Variants in CRACR2A observed in about 807,000 individuals in gnomAD.
CRACR2A encodes calcium release activated channel regulator 2A.
CRACR2A carries 79 observed loss-of-function variants against 90.5 expected under a neutral mutation model. The observed-to-expected ratio is 0.87, with a 90% CI of 0.73 to 1.05. The LOEUF is 1.05. CRACR2A is among the 50% of genes least tolerant of loss of function. The pLI, the probability that CRACR2A is intolerant of heterozygous loss-of-function variation, is 0.00. For synonymous variants in CRACR2A, 338 were observed against 356.7 expected, an observed-to-expected ratio of 0.95 and a Z score of 0.59; for missense variants, 823 against 897.2, an observed-to-expected ratio of 0.92 and a Z score of 1.06.
chr12:3,627,779 C>T, intron 15 of CRACR2A, 73 bp from the exon 16 acceptor site: 1 of 1,395,626 alleles, frequency 7.2e-7, no homozygotes, highest in Non-Finnish European at 9.9e-7. Flanking sequence ...GGAAACAATG[C>T]TTCCAACATC....
At chr12:3,622,906 GA>G (rs200573994) in intron 17 of CRACR2A, among the ~76,000 whole-genome samples, 2 of 151,308 alleles carry the variant, frequency 1.3e-5, no homozygotes, top group Non-Finnish European at 2.9e-5. Flanking sequence ...GGAACGTGGA[GA>G]AAAAAAAATC....
chr12:3,751,742 TATAGTATAGAACCGAGAGGTG>T, intron 1 of CRACR2A, among the ~76,000 whole-genome samples: 1 of 151,886 alleles, frequency 6.6e-6, no homozygotes, highest in Non-Finnish European at 1.5e-5. Context: ...CTACACACTT[TATAGTATAGAACCGAGAGGTG>T]ACAGGACCTC....
intron 4 of CRACR2A, among the ~76,000 whole-genome samples, chr12:3,686,150 A>G (rs1227767482): frequency 1.3e-5 from 2 of 152,258 alleles, no homozygotes; most frequent in African/African-American, 4.8e-5. Context: ...ATTGAGGATT[A>G]AAACCCAAGT....
intron 2 of CRACR2A, among the ~76,000 whole-genome samples, chr12:3,716,161 G>A (rs1946079403): frequency 6.6e-6 from 1 of 151,866 alleles, no homozygotes; most frequent in African/African-American, 2.4e-5. Context: ...TGGCTCTTCA[G>A]AAAGTCAACA....
intron 13 of CRACR2A, 60 bp from the exon 14 acceptor site, chr12:3,638,514 C>T: frequency 1.4e-6 from 2 of 1,462,926 alleles, no homozygotes; most frequent in Non-Finnish European, 1.8e-6. Flanking sequence ...TCAATACGGG[C>T]TGCATAACAG....
intron 12 of CRACR2A, among the ~76,000 whole-genome samples, chr12:3,643,431 C>T (rs768073741): frequency 6.6e-6 from 1 of 152,242 alleles, no homozygotes; most frequent in African/African-American, 2.4e-5. Flanking sequence ...TCACTTTCCT[C>T]GCGTGACAGC....
chr12:3,680,382 T>A, intron 4 of CRACR2A, 33 bp from the exon 5 acceptor site: 1 of 1,564,112 alleles, frequency 6.4e-7, no homozygotes, highest in Non-Finnish European at 8.8e-7. Context: ...TGGTTAACAC[T>A]GACACTCACT....
chr12:3,660,888 A>ACACACACACAC (rs1565479300), intron 7 of CRACR2A, among the ~76,000 whole-genome samples: 1 of 109,868 alleles, frequency 9.1e-6, no homozygotes, highest in Non-Finnish European at 1.8e-5. Flanking sequence ...ACACACACAC[A>ACACACACACAC]ATTTTGGCCC....
chr12:3,733,710 C>T (rs2137866486), intron 1 of CRACR2A, among the ~76,000 whole-genome samples: 1 of 152,122 alleles, frequency 6.6e-6, no homozygotes, highest in East Asian at 1.9e-4. Context: ...TCTTATTACA[C>T]ATGCGATAAA....
intron 17 of CRACR2A, among the ~76,000 whole-genome samples, chr12:3,621,857 G>A (rs184549017): frequency 6.6e-6 from 1 of 151,792 alleles, no homozygotes; most frequent in Non-Finnish European, 1.5e-5. Context: ...CACCGATAAA[G>A]GAGAAACAGA....
chr12:3,627,254 A>G (rs1944282356), intron 17 of CRACR2A, among the ~76,000 whole-genome samples, 182 bp downstream of exon 17: 2 of 152,150 alleles, frequency 1.3e-5, no homozygotes, highest in Non-Finnish European at 2.9e-5. Context: ...GGTCCCCAGG[A>G]ACTGGCCTGG....
intron 7 of CRACR2A, among the ~76,000 whole-genome samples, chr12:3,672,055 C>T (rs1369894861): frequency 6.6e-6 from 1 of 152,182 alleles, no homozygotes; most frequent in Admixed American, 6.5e-5. Flanking sequence ...GAGCCTCTCC[C>T]CAGAATGTTC....
chr12:3,656,035 C>A (rs140866723), intron 9 of CRACR2A, among the ~76,000 whole-genome samples: 1 of 152,152 alleles, frequency 6.6e-6, no homozygotes, highest in African/African-American at 2.4e-5. Flanking sequence ...TTGGCATTCT[C>A]GTGGCTCCTG....
intron 4 of CRACR2A, among the ~76,000 whole-genome samples, chr12:3,686,983 T>C (rs531691450): frequency 3.3e-5 from 5 of 152,212 alleles, no homozygotes; most frequent in Admixed American, 6.5e-5. Flanking sequence ...GGGACCCTGA[T>C]TAAAAACAGC....
intron 13 of CRACR2A, among the ~76,000 whole-genome samples, chr12:3,639,853 C>A (rs981383803): frequency 1.6e-4 from 25 of 152,220 alleles, no homozygotes; most frequent in African/African-American, 5.1e-4. Context: ...CAAATGTCTT[C>A]TTTCCAGCAA....
At chr12:3,705,891 T>A (rs1945910694) in intron 3 of CRACR2A, among the ~76,000 whole-genome samples, 1 of 152,180 alleles carries the variant, frequency 6.6e-6, no homozygotes, top group Non-Finnish European at 1.5e-5. Context: ...GGGGCATCCC[T>A]AATTTGTAGC....
chr12:3,622,771 GA>G (rs55758133), intron 17 of CRACR2A, among the ~76,000 whole-genome samples: 4 of 152,006 alleles, frequency 2.6e-5, no homozygotes, highest in African/African-American at 9.7e-5. Flanking sequence ...GTTATGCTAA[GA>G]AAAAAAATGC....
At chr12:3,630,258 C>G (rs1359374127) in intron 15 of CRACR2A, among the ~76,000 whole-genome samples, 3 of 152,176 alleles carry the variant, frequency 2.0e-5, no homozygotes, top group African/African-American at 7.2e-5. Context: ...CAGGAGCCTC[C>G]TGGCACCTTG....
At chr12:3,643,059 G>C (rs186821949) in intron 12 of CRACR2A, among the ~76,000 whole-genome samples, 36 of 152,298 alleles carry the variant, frequency 2.4e-4, no homozygotes, top group African/African-American at 8.4e-4. Flanking sequence ...GGGAAGGGAG[G>C]TGAAGGGATT....
Sources: gnomAD v4.1 joint callset for allele counts (sites outside exome capture counted in the v4.1 genomes callset) on GRCh38, gnomAD v4.1.1 for gene constraint, MANE v1.5 for transcripts, NCBI Gene and HGNC (gene_info 2026-07-23, HGNC 2026-07-21) for gene names.